Variants in AATF observed in about 807,000 individuals in gnomAD.
AATF encodes apoptosis antagonizing transcription factor, also known as protein AATF.
Under a neutral mutation model 63.7 loss-of-function variants are expected in AATF, and 48 were observed. The ratio of observed to expected loss-of-function variants is 0.75; its 90% confidence interval spans 0.60 to 0.96. The LOEUF (loss-of-function observed/expected upper bound fraction) is 0.96. AATF is among the 40% of genes least tolerant of loss of function. The pLI, the probability that AATF is intolerant of heterozygous loss-of-function variation, is 0.00. For missense variants in AATF, 639 were observed against 685.7 expected (o/e 0.93, Z 0.76); for synonymous variants, 258 against 247.7 (o/e 1.04, Z -0.39).
At position 36,988,664 on chromosome 17, in the gene AATF, C is replaced by T. The variant is rs114442310; in HGVS notation, c.1093C>T (p.Arg365Cys). 461 of 1,614,056 alleles carry T rather than the reference C, an allele frequency of 2.9e-4. 2 individuals are homozygous for T. In the East Asian group the frequency reaches 9.8e-3, roughly 34 times the overall value. Residue 365 changes from arginine (R) to cysteine (C), a missense_variant, in exon 6 of 12, where the codon CGC becomes TGC. Coordinates refer to ENST00000619387, the MANE Select transcript of AATF (RefSeq NM_012138.4). ...RFADFTVYRN[R>C]TLQKWHDKTK... ...TGCCGACTTTACAGTCTACAGGAAC[C>T]GCACACTTCAGAAATGGCACGATAA...
intron 4 of AATF, among the ~76,000 whole-genome samples, chr17:36,966,570 A>G (rs1044889378): frequency 2.6e-5 from 4 of 151,282 alleles, no homozygotes; most frequent in Admixed American, 2.6e-4. Flanking sequence ...GCCCACCCTG[A>G]AGTTTTCATT....
chr17:37,047,760 A>G (rs2071705749), intron 11 of AATF, among the ~76,000 whole-genome samples: 1 of 152,244 alleles, frequency 6.6e-6, no homozygotes, highest in Non-Finnish European at 1.5e-5. Context: ...TGATGAGAGC[A>G]GACACACGGG....
chr17:37,056,673 A>G lies in AATF; in HGVS notation c.*9A>G. 4 of 1,614,108 alleles carry G rather than the reference A, an allele frequency of 2.5e-6. No homozygotes were observed. The highest frequency in any genetic ancestry group is 3.4e-6 in the Non-Finnish European group (4 of 1,179,994). On this transcript the variant is annotated 3_prime_UTR_variant, in exon 12 of 12. Coordinates refer to ENST00000619387, the MANE Select transcript of AATF (RefSeq NM_012138.4). Reference sequence around the variant, plus strand: ...AAGGCCACGGGGATTGACATCGCCCACCTCCGACACCCAGTGGGCGCCTTG... The same window carrying G: ...AAGGCCACGGGGATTGACATCGCCCGCCTCCGACACCCAGTGGGCGCCTTG...
At chr17:37,017,116 C>T (rs1348996792) in intron 8 of AATF, among the ~76,000 whole-genome samples, 1 of 152,178 alleles carries the variant, frequency 6.6e-6, no homozygotes, top group Non-Finnish European at 1.5e-5. Flanking sequence ...ATATTCTTCC[C>T]GAGGATCACC....
Position 37,023,743 on chromosome 17 carries a change from G to T in AATF, c.1547+2729G>T, listed in dbSNP as rs150374561. Among the ~76,000 whole-genome samples, 7 of 151,988 alleles carry T rather than the reference G, an allele frequency of 4.6e-5. No homozygotes were observed. In the East Asian group the frequency reaches 1.4e-3, roughly 30 times the overall value. On this transcript the variant is annotated intron_variant, in intron 10 of 11. Coordinates refer to ENST00000619387, the MANE Select transcript of AATF (RefSeq NM_012138.4). ...GTGTCCTTCACCTTCTAAGAAGATG[G>T]TCATTAGGTGGTAGTTAAGACCCAG...
At chr17:37,000,764 A>G (rs746474378) in intron 8 of AATF, among the ~76,000 whole-genome samples, 5 of 152,188 alleles carry the variant, frequency 3.3e-5, no homozygotes, top group Non-Finnish European at 7.3e-5. Context: ...GGAAGGACCA[A>G]CAAAAGTGAT....
intron 4 of AATF, among the ~76,000 whole-genome samples, chr17:36,977,466 G>A (rs1439870964): frequency 6.6e-6 from 1 of 151,952 alleles, no homozygotes; most frequent in Non-Finnish European, 1.5e-5. Flanking sequence ...TTTCACCACA[G>A]CAGAGGCTGT....
At chr17:36,987,153 AT>A (rs11286976) in intron 5 of AATF, among the ~76,000 whole-genome samples, 57,617 of 121,072 alleles carry the variant, frequency 0.48, 12,324 homozygotes, top group African/African-American at 0.61. Context: ...ATGCCTGGCT[AT>A]TTTTTTTTTT....
At chr17:36,999,661 A>G (rs953281353) in intron 8 of AATF, among the ~76,000 whole-genome samples, 4 of 152,218 alleles carry the variant, frequency 2.6e-5, no homozygotes, top group African/African-American at 9.6e-5. Flanking sequence ...GTAGAGAATG[A>G]TGAAACTGGT....
chr17:37,051,027 A>C (rs1307551720), intron 11 of AATF: 2 of 152,228 alleles, frequency 1.3e-5, no homozygotes, highest in African/African-American at 4.8e-5. Flanking sequence ...TTCCCACCTC[A>C]ACCTCCCAAA....
chr17:36,949,849 C>T (rs2142196755), intron 1 of AATF, among the ~76,000 whole-genome samples: 2 of 152,256 alleles, frequency 1.3e-5, no homozygotes, highest in Middle Eastern at 3.4e-3. Flanking sequence ...TGAAGAAACT[C>T]GGGACTGTTT....
At chr17:37,001,372 G>A (rs1029061394) in intron 8 of AATF, among the ~76,000 whole-genome samples, 3 of 131,462 alleles carry the variant, frequency 2.3e-5, no homozygotes, top group African/African-American at 8.3e-5. Flanking sequence ...GAGAGAGAGG[G>A]GAGAGAGAGA....
At chr17:36,953,392 G>A (rs2070873105) in intron 3 of AATF, 96 bp downstream of exon 3, 1 of 1,528,536 alleles carries the variant, frequency 6.5e-7, no homozygotes, top group Non-Finnish European at 8.8e-7. Flanking sequence ...TATCTCCTGT[G>A]TCCTTTCAAT....
chr17:37,016,818 T>A (rs1418636738), intron 8 of AATF, among the ~76,000 whole-genome samples: 1 of 152,208 alleles, frequency 6.6e-6, no homozygotes, highest in Admixed American at 6.5e-5. Flanking sequence ...AATCATTTGT[T>A]TAACTGTATT....
Position 37,040,407 on chromosome 17 carries a change from A to G in AATF, c.1619+8722A>G, listed in dbSNP as rs1377184598. Among the ~76,000 whole-genome samples the G allele has an allele frequency of 2.0e-5, 3 of 152,110 alleles. No homozygotes were observed. In the East Asian group the frequency reaches 5.8e-4, roughly 29 times the overall value. ...TAATCATATCATATTTCACTTACTG[A>G]GAGTTTACTATATGCCAGACATTGC... On this transcript the variant is annotated intron_variant, in intron 11 of 11. Coordinates refer to ENST00000619387, the MANE Select transcript of AATF (RefSeq NM_012138.4).
intron 4 of AATF, 37 bp from the exon 5 acceptor site, chr17:36,986,580 A>G: frequency 6.4e-7 from 1 of 1,552,480 alleles, no homozygotes. Flanking sequence ...AGAATTGTAG[A>G]TAATTAATTG....
chr17:37,047,809 T>C (rs2071706541), intron 11 of AATF, among the ~76,000 whole-genome samples: 1 of 152,180 alleles, frequency 6.6e-6, no homozygotes, highest in Non-Finnish European at 1.5e-5. Flanking sequence ...CTGGGTCCAC[T>C]TGGAAACGAG....
chr17:36,975,821 G>C (rs1312379090), intron 4 of AATF, among the ~76,000 whole-genome samples: 1 of 152,092 alleles, frequency 6.6e-6, no homozygotes, highest in African/African-American at 2.4e-5. Context: ...CCAGCATCAA[G>C]CATTATCAGA....
intron 11 of AATF, among the ~76,000 whole-genome samples, chr17:37,050,120 G>T (rs1480057584): frequency 6.6e-6 from 1 of 152,058 alleles, no homozygotes; most frequent in Non-Finnish European, 1.5e-5. Context: ...TTGAAGTGCT[G>T]CCACAGGGAA....
Sources: allele counts gnomAD v4.1 joint callset (sites outside exome capture counted in the v4.1 genomes callset), GRCh38; gene constraint gnomAD v4.1.1; transcripts MANE v1.5; gene names NCBI Gene and HGNC (gene_info 2026-07-23, HGNC 2026-07-21).